PIEZO2: variants seen among roughly 807,000 people sequenced by gnomAD.
The protein encoded by PIEZO2 is piezo-type mechanosensitive ion channel component 2.
In PIEZO2, 172 loss-of-function variants were observed where a neutral mutation model predicts 337.3. The observed-to-expected ratio is 0.51, with a 90% CI of 0.45 to 0.58. The LOEUF (loss-of-function observed/expected upper bound fraction) is 0.58, where lower values mean the gene tolerates loss of function less well. Among genes scored for constraint, PIEZO2 ranks in the 20% least tolerant of loss-of-function variants. The pLI is 0.00. For synonymous variants in PIEZO2, 1,251 were observed against 1,228.5 expected (o/e 1.02, Z -0.38); for missense variants, 3,028 against 3,391.3 (o/e 0.89, Z 2.66).
intron 2 of PIEZO2, among the ~76,000 whole-genome samples, chr18:11,059,352 CA>C (rs2037853918): frequency 6.6e-6 from 1 of 152,166 alleles, no homozygotes; most frequent in South Asian, 2.1e-4. Context: ...CATCAACTAA[CA>C]GGCAAAATAA....
intron 3 of PIEZO2, among the ~76,000 whole-genome samples, chr18:10,930,718 A>G (rs2032028152): frequency 6.6e-6 from 1 of 152,234 alleles, no homozygotes. Context: ...GTTTCTCTCT[A>G]TCCTTTGAAG....
At chr18:10,848,627 C>A (rs551332431) in intron 7 of PIEZO2, among the ~76,000 whole-genome samples, 1 of 152,192 alleles carries the variant, frequency 6.6e-6, no homozygotes, top group South Asian at 2.1e-4. Flanking sequence ...TGAAAAGCAG[C>A]AAAACAACAA....
intron 2 of PIEZO2, among the ~76,000 whole-genome samples, chr18:11,034,282 A>ATCTTT (rs1468028670): frequency 6.6e-6 from 1 of 151,814 alleles, no homozygotes; most frequent in Non-Finnish European, 1.5e-5. Flanking sequence ...GATTAAATGT[A>ATCTTT]TCATTTCTTT....
At chr18:10,801,104 T>C (rs191971468) in intron 10 of PIEZO2, among the ~76,000 whole-genome samples, 2 of 152,364 alleles carry the variant, frequency 1.3e-5, no homozygotes, top group East Asian at 3.9e-4. Context: ...CACAGGTGTA[T>C]GTGCGCCCAT....
chr18:11,087,424 T>C (rs1254887842), intron 1 of PIEZO2, among the ~76,000 whole-genome samples: 2 of 152,286 alleles, frequency 1.3e-5, no homozygotes, highest in East Asian at 1.9e-4. Flanking sequence ...TCCCAAGCAA[T>C]GCACTTGGCT....
chr18:10,932,513 G>A (rs962735389), intron 3 of PIEZO2, among the ~76,000 whole-genome samples: 9 of 152,144 alleles, frequency 5.9e-5, no homozygotes, highest in Non-Finnish European at 8.8e-5. Flanking sequence ...CTGTGTTTCC[G>A]GGGATGAGCA....
intron 2 of PIEZO2, among the ~76,000 whole-genome samples, chr18:11,052,777 T>C (rs1198643791): frequency 6.6e-6 from 1 of 152,228 alleles, no homozygotes; most frequent in Non-Finnish European, 1.5e-5. Context: ...TTGGTCACAC[T>C]TAATATGATA....
chr18:10,736,009 T>C (rs900717649), intron 34 of PIEZO2, among the ~76,000 whole-genome samples: 1 of 152,248 alleles, frequency 6.6e-6, no homozygotes, highest in Non-Finnish European at 1.5e-5. Flanking sequence ...TCACTCAATA[T>C]GCTACATTAG....
rs376063120 is a variant in PIEZO2, at chr18:10,997,363, A to G, written c.161-17703T>C. On this transcript the variant is annotated intron_variant, in intron 2 of 55. Coordinates refer to ENST00000674853, the MANE Select transcript of PIEZO2 (RefSeq NM_001378183.1). Reference sequence around the variant, plus strand: ...TCAAAATGTCAAGGATATAATCCCAAATTATTTGATAAACAAAGAACCAGG... The same window carrying G: ...TCAAAATGTCAAGGATATAATCCCAGATTATTTGATAAACAAAGAACCAGG... Among the ~76,000 whole-genome samples, 16 of 152,324 alleles carry G rather than the reference A, an allele frequency of 1.1e-4. No homozygotes were observed. In the South Asian group the frequency reaches 2.5e-3, roughly 24 times the overall value.
rs763396293 is a variant in PIEZO2 at position 10,819,994 on chromosome 18, T to C, written c.918-12720A>G. On this transcript the variant is annotated intron_variant, in intron 7 of 55. Coordinates refer to ENST00000674853, the MANE Select transcript of PIEZO2 (RefSeq NM_001378183.1). This position sits in a 1 kb window ranked among gnomAD's most constrained non-coding sequence, Gnocchi z 4.3. ...TTGAGAAGCAACTTTAATAATGTTA[T>C]CCTATTGCTTTTTGAATGGCATTCA... Among the ~76,000 whole-genome samples, 8 of 152,206 alleles carry C rather than the reference T, an allele frequency of 5.3e-5. No individual in the cohort carries two copies. The highest frequency in any genetic ancestry group is 1.2e-4 in the Non-Finnish European group (8 of 68,028).
chr18:10,939,944 A>T (rs893917827), intron 3 of PIEZO2, among the ~76,000 whole-genome samples: 36 of 152,304 alleles, frequency 2.4e-4, no homozygotes, highest in Non-Finnish European at 2.9e-4. Flanking sequence ...TAAAATTAAA[A>T]AAAAAATACC....
At position 10,670,353 on chromosome 18, in the gene PIEZO2, A is replaced by G. The variant is rs987404998; in HGVS notation, c.*1174T>C. ...TTCAATGATTCTTCTCAGAAACTGT[A>G]TCTTAATATGGAATGAAAACTACAT... is the stretch of plus-strand genomic sequence containing the variant. On this transcript the variant is annotated 3_prime_UTR_variant, in exon 56 of 56. Coordinates refer to ENST00000674853, the MANE Select transcript of PIEZO2 (RefSeq NM_001378183.1). The G allele has an allele frequency of 1.2e-4, 19 of 152,212 alleles. No individual in the cohort carries two copies. The highest frequency in any genetic ancestry group is 2.6e-4 in the Admixed American group (4 of 15,286). The allele number at this position is 152,212 out of a possible 1,614,324, so 9.4% of individuals were successfully genotyped here. A position where few individuals can be genotyped will look rare whatever the true frequency, so the allele number is the denominator to read the frequency against.
At chr18:10,683,281 C>T (rs2034358076) in intron 49 of PIEZO2, among the ~76,000 whole-genome samples, 1 of 152,222 alleles carries the variant, frequency 6.6e-6, no homozygotes. Context: ...GGAGTCAGTA[C>T]AGGACATGAC....
chr18:10,856,247 C>A lies in PIEZO2; in HGVS notation c.704-681G>T, dbSNP rs1034212904. ...TAAGGAATCATAAATAAAGCCATCA[C>A]CTTAGGGCAAAAGGAGTCTGTTTTA... On this transcript the variant is annotated intron_variant, in intron 6 of 55. Coordinates refer to ENST00000674853, the MANE Select transcript of PIEZO2 (RefSeq NM_001378183.1). This position sits in a 1 kb window ranked among gnomAD's most constrained non-coding sequence, Gnocchi z 4.7. Among the ~76,000 whole-genome samples, 1 of 152,064 alleles carries A rather than the reference C, an allele frequency of 6.6e-6. No homozygotes were observed. The highest frequency in any genetic ancestry group is 2.4e-5 in the African/African-American group (1 of 41,400).
chr18:10,682,962 C>A lies in PIEZO2; in HGVS notation c.7498-670G>T, dbSNP rs569770840. ...GCTTTAATATAGATTCATGAAGGAC[C>A]CACTAAGCCCCCTGCTTAAAGACTA... On this transcript the variant is annotated intron_variant, in intron 49 of 55. Transcript: ENST00000674853. The surrounding 1 kb of genome is among the most constrained non-coding windows in gnomAD (Gnocchi z 5.6). Among the ~76,000 whole-genome samples, 1 of 152,262 alleles carries A rather than the reference C, an allele frequency of 6.6e-6. No homozygotes were observed. The highest frequency in any genetic ancestry group is 2.1e-4 in the South Asian group (1 of 4,832).
rs1423898880 is a variant in PIEZO2 at position 11,028,481 on chromosome 18, G to A, written c.160+37646C>T. Among the ~76,000 whole-genome samples, 7 of 152,106 alleles carry A rather than the reference G, an allele frequency of 4.6e-5. No homozygotes were observed. The highest frequency in any genetic ancestry group is 3.4e-3 in the Middle Eastern group (1 of 294). ...TCACCATGCTGGCCAGGCTGGTCCC[G>A]AACTCCTGACCTCAGATGATCCGCC... is the stretch of plus-strand genomic sequence containing the variant. On this transcript the variant is annotated intron_variant, in intron 2 of 55. Transcript: ENST00000674853. This position sits in a 1 kb window ranked among gnomAD's most constrained non-coding sequence, Gnocchi z 4.8.
intron 23 of PIEZO2, among the ~76,000 whole-genome samples, chr18:10,761,864 G>C (rs925403598): frequency 6.6e-6 from 1 of 152,104 alleles, no homozygotes; most frequent in Non-Finnish European, 1.5e-5. Context: ...AACATGATTA[G>C]GACTGCTCAG....
Position 11,003,816 on chromosome 18 carries a change from G to A in PIEZO2, c.161-24156C>T, listed in dbSNP as rs1350268617. Reference sequence around the variant, plus strand: ...GGAGAACAAGCAAACTCCACATGGGGGTGGACCTGGAAACAAAGTGATTTT... The same window carrying A: ...GGAGAACAAGCAAACTCCACATGGGAGTGGACCTGGAAACAAAGTGATTTT... On this transcript the variant is annotated intron_variant, in intron 2 of 55. Transcript: ENST00000674853. This position sits in a 1 kb window ranked among gnomAD's most constrained non-coding sequence, Gnocchi z 4.6. Among the ~76,000 whole-genome samples the A allele has an allele frequency of 6.6e-6, 1 of 152,172 alleles. No individual in the cohort carries two copies. Among genetic ancestry groups the A allele is most frequent in the African/African-American group, 2.4e-5 (1 of 41,434 alleles).
At position 11,024,974 on chromosome 18, in the gene PIEZO2, T is replaced by C. The variant is rs149962123; in HGVS notation, c.160+41153A>G. 6.9e-3 allele frequency among the ~76,000 whole-genome samples: 1,053 copies of C among 151,620 alleles called. 16 individuals are homozygous for C. Among genetic ancestry groups the C allele is most frequent in the African/African-American group, 0.024 (999 of 41,340 alleles). On this transcript the variant is annotated intron_variant, in intron 2 of 55. Transcript: ENST00000674853. The stretch of plus-strand genomic sequence containing the variant: ...TTTTTTTTAAATAATATTTATAACA[T>C]GTGATTTTGGCCTCCCAAGTTGAAT...
Sources: gnomAD v4.1 joint callset for allele counts (sites outside exome capture counted in the v4.1 genomes callset) on GRCh38, gnomAD v4.1.1 for gene constraint, Gnocchi (gnomAD v3.1) non-coding constraint, MANE v1.5 for transcripts, NCBI Gene and HGNC (gene_info 2026-07-23, HGNC 2026-07-21) for gene names.